The following VRK2 variants were observed in gnomAD, a reference collection of about 807,000 sequenced individuals.
VRK2 encodes VRK serine/threonine kinase 2, also known as serine/threonine-protein kinase VRK2.
In VRK2, 60 loss-of-function variants were observed where a neutral mutation model predicts 57.6. The ratio of observed to expected loss-of-function variants is 1.04; its 90% CI spans 0.85 to 1.29. The LOEUF is 1.29. VRK2 is among the 50% of genes most tolerant of loss of function. VRK2 has a pLI of 0.00. For synonymous variants in VRK2, 231 were observed against 199.2 expected, an observed-to-expected ratio of 1.16 and a Z score of -1.35; for missense variants, 705 against 588.1, an observed-to-expected ratio of 1.20 and a Z score of -2.06.
At chr2:58,009,450 T>A (rs746645621) in intron 1 of VRK2, among the ~76,000 whole-genome samples, 1 of 151,406 alleles carries the variant, frequency 6.6e-6, no homozygotes, top group Non-Finnish European at 1.5e-5. Flanking sequence ...AAGCCACCAG[T>A]GCAATCTGTA....
At chr2:57,922,254 C>T (rs1023756962) in intron 1 of VRK2, among the ~76,000 whole-genome samples, 2 of 151,980 alleles carry the variant, frequency 1.3e-5, no homozygotes, top group Non-Finnish European at 2.9e-5. Context: ...GAAAGATACG[C>T]ATTCTAAAAT....
intron 1 of VRK2, among the ~76,000 whole-genome samples, chr2:57,965,956 T>A (rs1165678255): frequency 1.3e-5 from 2 of 152,214 alleles, no homozygotes; most frequent in East Asian, 1.9e-4. Context: ...CTGCAATCTT[T>A]CACTCCTTTT....
intron 2 of VRK2, among the ~76,000 whole-genome samples, chr2:58,056,929 A>T (rs1676608909): frequency 6.6e-6 from 1 of 152,156 alleles, no homozygotes; most frequent in Admixed American, 6.5e-5. Context: ...GGTAGGCTTT[A>T]TGAAAATTCT....
chr2:57,908,284 A>G (rs1035088682), intron 1 of VRK2, among the ~76,000 whole-genome samples: 2 of 152,126 alleles, frequency 1.3e-5, no homozygotes, highest in African/African-American at 4.8e-5. Context: ...GCCTCTTACA[A>G]TTTGCACAGC....
intron 1 of VRK2, among the ~76,000 whole-genome samples, chr2:57,993,355 T>C (rs1204662588): frequency 2.6e-5 from 4 of 152,152 alleles, no homozygotes; most frequent in Admixed American, 6.5e-5. Flanking sequence ...TTCCCATTGA[T>C]GGCATTTAAG....
At position 58,084,983 on chromosome 2, in the gene VRK2, T is replaced by C. The variant is rs376355288; in HGVS notation, c.256+33T>C. Reference sequence around the variant, plus strand: ...AAATTAGCAAAGCAAGCTACTTCCATATATGTGCTTGCTAAAGTGAGTGTT... The same window carrying C: ...AAATTAGCAAAGCAAGCTACTTCCACATATGTGCTTGCTAAAGTGAGTGTT... On this transcript the variant is annotated intron_variant, in intron 4 of 12. Coordinates refer to ENST00000340157, the MANE Select transcript of VRK2 (RefSeq NM_006296.7). 2,614 of 1,537,538 alleles carry C rather than the reference T, an allele frequency of 1.7e-3. 11 individuals carry two copies. Among genetic ancestry groups the C allele is most frequent in the Non-Finnish European group, 2.0e-3 (2,268 of 1,143,834 alleles).
chr2:57,984,354 C>T (rs1181070603), intron 1 of VRK2, among the ~76,000 whole-genome samples: 2 of 152,044 alleles, frequency 1.3e-5, no homozygotes, highest in Non-Finnish European at 2.9e-5. Flanking sequence ...AAAAAACCCT[C>T]TTAGCAAAGT....
chr2:58,061,616 T>G (rs1677354247), intron 2 of VRK2, among the ~76,000 whole-genome samples: 1 of 152,142 alleles, frequency 6.6e-6, no homozygotes, highest in Non-Finnish European at 1.5e-5. Flanking sequence ...TCTGTTGTTA[T>G]TTTATATTCC....
chr2:58,096,947 C>G (rs1298423544), intron 7 of VRK2, among the ~76,000 whole-genome samples: 1 of 151,778 alleles, frequency 6.6e-6, no homozygotes, highest in Non-Finnish European at 1.5e-5. Flanking sequence ...GTAGGAAATT[C>G]TTAAATTTTT....
At chr2:58,095,345 A>G in intron 7 of VRK2, among the ~76,000 whole-genome samples, 1 of 151,960 alleles carries the variant, frequency 6.6e-6, no homozygotes, top group East Asian at 1.9e-4. Context: ...AATTATGTTA[A>G]GTTTTAAAAT....
At chr2:57,907,772 T>A (rs1314201799) in exon 1 of VRK2, 1 of 152,284 alleles carries the variant, frequency 6.6e-6, no homozygotes, top group East Asian at 1.9e-4. Flanking sequence ...TCTATCCATA[T>A]TCTTCTCATC....
intron 1 of VRK2, among the ~76,000 whole-genome samples, chr2:57,969,136 A>G (rs948427403): frequency 6.6e-6 from 1 of 152,114 alleles, no homozygotes; most frequent in African/African-American, 2.4e-5. Flanking sequence ...AAATGGACCT[A>G]AAAAGAAAAC....
intron 2 of VRK2, among the ~76,000 whole-genome samples, chr2:58,079,902 A>C (rs893647): frequency 6.6e-6 from 1 of 151,870 alleles, no homozygotes; most frequent in East Asian, 1.9e-4. Flanking sequence ...TATTTATGTC[A>C]TCATTTTTCT....
At chr2:58,047,714 T>C (rs1675062893) in intron 1 of VRK2, among the ~76,000 whole-genome samples, 1 of 151,834 alleles carries the variant, frequency 6.6e-6, no homozygotes, top group South Asian at 2.1e-4. Context: ...CTAGGCATAG[T>C]TCACCATCCA....
intron 1 of VRK2, among the ~76,000 whole-genome samples, chr2:57,947,458 T>C (rs1343220468): frequency 6.6e-6 from 1 of 152,188 alleles, no homozygotes; most frequent in African/African-American, 2.4e-5. Context: ...CACAAACTTA[T>C]GGGTAATTTC....
intron 1 of VRK2, among the ~76,000 whole-genome samples, chr2:57,961,619 A>ACCCC (rs1172019075): frequency 5.8e-4 from 24 of 41,224 alleles, no homozygotes; most frequent in African/African-American, 3.2e-3. Context: ...CTCCCACTGT[A>ACCCC]CCCACCCCCC....
chr2:57,909,213 G>C (rs1009298693), intron 1 of VRK2, among the ~76,000 whole-genome samples: 1 of 152,082 alleles, frequency 6.6e-6, no homozygotes, highest in Admixed American at 6.5e-5. Context: ...GAACTCATTT[G>C]ACTTTGTATA....
intron 8 of VRK2, among the ~76,000 whole-genome samples, chr2:58,128,491 C>T (rs994207237): frequency 6.6e-6 from 1 of 152,030 alleles, no homozygotes; most frequent in Non-Finnish European, 1.5e-5. Flanking sequence ...GCCACAAAGC[C>T]CCGCTAATTT....
intron 1 of VRK2, among the ~76,000 whole-genome samples, chr2:57,941,235 T>C (rs1226859540): frequency 1.3e-5 from 2 of 152,170 alleles, no homozygotes; most frequent in African/African-American, 4.8e-5. Flanking sequence ...AAGCACACAG[T>C]GACCTCAACT....
Sources: allele counts gnomAD v4.1 joint callset (sites outside exome capture counted in the v4.1 genomes callset), GRCh38; gene constraint gnomAD v4.1.1; transcripts MANE v1.5; gene names NCBI Gene and HGNC (gene_info 2026-07-23, HGNC 2026-07-21).